ADAMTS1: variants seen among roughly 807,000 people sequenced by gnomAD.
ADAMTS1 encodes A disintegrin and metalloproteinase with thrombospondin motifs 1.
ADAMTS1 carries 19 observed loss-of-function variants against 87.9 expected under a neutral mutation model. That is an observed-to-expected ratio of 0.22 (90% CI 0.15 to 0.32). The LOEUF (loss-of-function observed/expected upper bound fraction) is 0.32, where lower values mean the gene tolerates loss of function less well. Among genes scored for constraint, ADAMTS1 ranks in the 10% least tolerant of loss-of-function variants. The pLI is 1.00. For missense variants in ADAMTS1, 1,240 were observed against 1,259.1 expected (o/e 0.98, Z 0.23); for synonymous variants, 542 against 501.8 (o/e 1.08, Z -1.07).
intron 1 of ADAMTS1, 75 bp downstream of exon 1, chr21:26,844,150 C>T: frequency 1.3e-6 from 2 of 1,489,226 alleles, no homozygotes; most frequent in African/African-American, 2.8e-5. Context: ...CAGGAGTCTA[C>T]CCTGAAGTCG....
At chr21:26,840,255 T>C (rs778715209) in intron 5 of ADAMTS1, 21 bp downstream of exon 5, 1 of 1,605,588 alleles carries the variant, frequency 6.2e-7, no homozygotes, top group Non-Finnish European at 8.5e-7. Flanking sequence ...ATTCTGAATG[T>C]GTTTCAGTAG....
chr21:26,841,754 T>G (rs1985498600), intron 3 of ADAMTS1, 104 bp downstream of exon 3: 1 of 1,315,904 alleles, frequency 7.6e-7, no homozygotes, highest in Non-Finnish European at 1.0e-6. Flanking sequence ...TAAGATGCAC[T>G]AGGACCTAAA....
rs780559162 is a variant in ADAMTS1, at chr21:26,844,451, G to T, written c.504C>A (p.Leu168=). 1.3e-5 allele frequency: 20 copies of T among 1,587,418 alleles called. No individual in the cohort carries two copies. In the South Asian group the frequency reaches 1.8e-4, roughly 14 times the overall value. The change falls in exon 1 of 9, where the codon CTC becomes CTA. Residue 168 remains leucine, a synonymous_variant. Coordinates refer to ENST00000284984, the MANE Select transcript of ADAMTS1 (RefSeq NM_006988.5). Reference sequence around the variant, plus strand: ...GCTTCTCCCCTGGGGCGGCGGTGGCGAGGCGCTCGCTGGCGGCGGGCAGCG... The same window carrying T: ...GCTTCTCCCCTGGGGCGGCGGTGGCTAGGCGCTCGCTGGCGGCGGGCAGCG... ...IQPLPAASER[L]ATAAPGEKPP... is the part of the protein sequence containing the mutation.
rs1985406138 is a variant in ADAMTS1, at chr21:26,837,944, CCTT to C, written c.2536_2538del (p.Lys846del). ...AAAGTGGGGATAGCATTGAAAGATT[CCTT>C]CTTCTTCTTTACGAAGTAGGTGTAT... On this transcript the variant is annotated inframe_deletion, in exon 9 of 9. Coordinates refer to ENST00000284984, the MANE Select transcript of ADAMTS1 (RefSeq NM_006988.5). The C allele has an allele frequency of 1.1e-5, 18 of 1,614,222 alleles. No homozygotes were observed. The highest frequency in any genetic ancestry group is 1.4e-5 in the Non-Finnish European group (17 of 1,180,036).
Position 26,844,899 on chromosome 21 carries a change from C to G in ADAMTS1, c.56G>C (p.Gly19Ala). 1 of 1,529,622 alleles carries G rather than the reference C, an allele frequency of 6.5e-7. No individual in the cohort carries two copies. 94.8% of individuals were successfully genotyped at this position (1,529,622 alleles called of 1,614,324 possible). ...FGRRKLGSDM[G>A]NAERAPGSRS... is the part of the protein sequence containing the mutation. ...AGACCCCGGAGCCCGCTCCGCGTTC[C>G]CCATGTCGCTGCCCAGCTTGCGCCT... The change falls in exon 1 of 9, where the codon GGG becomes GCG. Residue 19 changes from glycine to alanine, a missense_variant. Around this residue, in one of 3 missense-constraint regions of ADAMTS1, gnomAD observed 521 missense variants for 449.7 expected, o/e 1.16. Coordinates refer to ENST00000284984, the MANE Select transcript of ADAMTS1 (RefSeq NM_006988.5).
rs542912264 is a variant in ADAMTS1, at chr21:26,844,216, T to G, written c.730+9A>C. 207 of 1,530,110 alleles carry G rather than the reference T, an allele frequency of 1.4e-4. 5 individuals are homozygous for G. In the South Asian group the frequency reaches 2.4e-3, roughly 18 times the overall value. 94.8% of individuals were successfully genotyped at this position (1,530,110 alleles called of 1,614,324 possible). ...TGAATGGACAGACAAACGAGAGCAA[T>G]TCTTCTACCTGTGGGCTGTCCTACG... On this transcript the variant is annotated intron_variant, in intron 1 of 8. Coordinates refer to ENST00000284984, the MANE Select transcript of ADAMTS1 (RefSeq NM_006988.5).
In ADAMTS1 at chr21:26,837,325, A is replaced by G. The variant is rs1985386366; in HGVS notation, c.*254T>C. 2.5e-6 allele frequency: 1 copy of G among 399,634 alleles called. No individual in the cohort carries two copies. The highest frequency in any genetic ancestry group is 3.6e-5 in the East Asian group (1 of 27,402). 24.8% of individuals were successfully genotyped at this position (399,634 alleles called of 1,614,324 possible). The stretch of plus-strand genomic sequence containing the variant: ...ATGTAACAAAAGAAATAATAATAAT[A>G]ATGCCCGGGGCTTTATTATGCTATA... On this transcript the variant is annotated 3_prime_UTR_variant, in exon 9 of 9. Coordinates refer to ENST00000284984, the MANE Select transcript of ADAMTS1 (RefSeq NM_006988.5).
chr21:26,838,743 G>A (rs1985431275), intron 7 of ADAMTS1, 129 bp from the exon 8 acceptor site: 1 of 807,780 alleles, frequency 1.2e-6, no homozygotes, highest in Admixed American at 2.9e-5. Context: ...TACACATTAT[G>A]CATTTCATGC....
Position 26,841,145 on chromosome 21 carries a change from G to A in ADAMTS1, c.1231C>T (p.His411Tyr). The A allele has an allele frequency of 6.2e-7, 1 of 1,614,126 alleles. No individual in the cohort carries two copies. Among genetic ancestry groups the A allele is most frequent in the East Asian group, 2.2e-5 (1 of 44,882 alleles). ...HELGHVFNMP[H>Y]DDAKQCASLN... ...CTGGCACACTGCTTTGCATCATCATGTGGCATGTTAAACACGTGGCCTAGG... is the reference window on the plus strand; with the variant it reads ...CTGGCACACTGCTTTGCATCATCATATGGCATGTTAAACACGTGGCCTAGG... Residue 411 changes from histidine to tyrosine, a missense_variant, in exon 4 of 9, where the codon CAT (histidine) becomes TAT (tyrosine). His to Tyr is a moderately conservative substitution (Grantham distance 83). Transcript: ENST00000284984.
In ADAMTS1 at chr21:26,842,609, C is replaced by G; in HGVS notation, c.807G>C (p.Ser269=). 6.2e-7 allele frequency: 1 copy of G among 1,614,020 alleles called. No homozygotes were observed. Among genetic ancestry groups the G allele is most frequent in the Middle Eastern group, 1.6e-4 (1 of 6,062 alleles). Residue 269 remains serine (S), a synonymous_variant, in exon 2 of 9, where the codon TCG becomes TCC. Transcript: ENST00000284984. ...YVETMLVADQ[S]MAEFHGSGLK... ...GACCACTGCCGTGGAATTCTGCCATCGACTGGTCTGCCACAAGCATGGTTT... is the reference window on the plus strand; with the variant it reads ...GACCACTGCCGTGGAATTCTGCCATGGACTGGTCTGCCACAAGCATGGTTT...
chr21:26,844,434 C>G lies in ADAMTS1; in HGVS notation c.521G>C (p.Gly174Ala), dbSNP rs1161200230. 2 of 1,588,250 alleles carry G rather than the reference C, an allele frequency of 1.3e-6. No individual in the cohort carries two copies. The highest frequency in any genetic ancestry group is 1.7e-6 in the Non-Finnish European group (2 of 1,167,574). Reference sequence around the variant, plus strand: ...CTGTAGTGGTGCCGGCGGCTTCTCCCCTGGGGCGGCGGTGGCGAGGCGCTC... The same window carrying G: ...CTGTAGTGGTGCCGGCGGCTTCTCCGCTGGGGCGGCGGTGGCGAGGCGCTC... ...ASERLATAAP[G>A]EKPPAPLQFH... is the part of the protein sequence containing the mutation. Residue 174 changes from glycine to alanine, a missense_variant, in exon 1 of 9, where the codon GGG (glycine) becomes GCG (alanine). Coordinates refer to ENST00000284984, the MANE Select transcript of ADAMTS1 (RefSeq NM_006988.5).
Position 26,840,395 on chromosome 21 carries a change from C to T in ADAMTS1, c.1546G>A (p.Gly516Ser). The change falls in exon 5 of 9, where the codon GGT (glycine) becomes AGT (serine). Residue 516 changes from glycine to serine, a missense_variant. Physicochemically the swap from Gly to Ser is moderately conservative, Grantham distance 56 (BLOSUM62 0). This residue lies in a region of ADAMTS1 where 317 missense variants were observed against 410.3 expected (regional missense o/e 0.77). Transcript: ENST00000284984. Reference protein sequence around the residue: ...CSTLWCTGTSGGVLVCQTKHF... With the variant: ...CSTLWCTGTSSGVLVCQTKHF... ...TTGGTTTGACACACCAGCACCCCACCAGAGGTGCCGGTACACCACAAGGTG... is the reference window on the plus strand; with the variant it reads ...TTGGTTTGACACACCAGCACCCCACTAGAGGTGCCGGTACACCACAAGGTG... 6.2e-7 allele frequency: 1 copy of T among 1,614,216 alleles called. No homozygotes were observed. Among genetic ancestry groups the T allele is most frequent in the Non-Finnish European group, 8.5e-7 (1 of 1,180,040 alleles).
At position 26,844,337 on chromosome 21, in the gene ADAMTS1, C is replaced by T; in HGVS notation, c.618G>A (p.Arg206=). The change falls in exon 1 of 9, where the codon CGG becomes CGA. Residue 206 remains arginine (R), a synonymous_variant. Coordinates refer to ENST00000284984, the MANE Select transcript of ADAMTS1 (RefSeq NM_006988.5). ...GTCGVVDDEP[R]PTGKAETEDE... ...CTTCGGTCTCCGCTTTCCCAGTCGG[C>T]CGGGGCTCGTCGTCCACGACCCCGC... 1 of 1,605,954 alleles carries T rather than the reference C, an allele frequency of 6.2e-7. No individual in the cohort carries two copies. The highest frequency in any genetic ancestry group is 8.5e-7 in the Non-Finnish European group (1 of 1,177,978).
In ADAMTS1 at chr21:26,837,648, A is replaced by G. The variant is rs544589845; in HGVS notation, c.2835T>C (p.His945=). The change falls in exon 9 of 9, where the codon CAT becomes CAC. Residue 945 remains histidine, a synonymous_variant. Transcript: ENST00000284984. The stretch of plus-strand genomic sequence containing the variant: ...GTTTCTTTAAAGGATCACAGCTCTC[A>G]TGAGATAACACCCCTCCATCATGGG... ...CLSHDGGVLS[H]ESCDPLKKPK... 2 of 1,614,200 alleles carry G rather than the reference A, an allele frequency of 1.2e-6. No individual in the cohort carries two copies. The highest frequency in any genetic ancestry group is 1.7e-5 in the Admixed American group (1 of 60,024).
rs1404437099 is a variant in ADAMTS1, at chr21:26,838,267, T to C, written c.2216A>G (p.His739Arg). The C allele has an allele frequency of 3.1e-6, 5 of 1,607,422 alleles. No individual in the cohort carries two copies. In the Admixed American group the frequency reaches 8.4e-5, roughly 27 times the overall value. ...GSVTSAKPGY[H>R]DIITIPTGAT... Reference sequence around the variant, plus strand: ...TCCAGTTGGAATTGTGATGATATCATGATATCCAGGTCTGCAGGTGACAAA... The same window carrying C: ...TCCAGTTGGAATTGTGATGATATCACGATATCCAGGTCTGCAGGTGACAAA... The change falls in exon 9 of 9, where the codon CAT becomes CGT. Residue 739 changes from histidine (H) to arginine (R), a missense_variant. Transcript: ENST00000284984.
chr21:26,838,452 C>T lies in ADAMTS1; in HGVS notation c.2191G>A (p.Val731Ile), dbSNP rs756053051. The T allele has an allele frequency of 1.2e-6, 2 of 1,614,046 alleles. No individual in the cohort carries two copies. Among genetic ancestry groups the T allele is most frequent in the East Asian group, 2.2e-5 (1 of 44,896 alleles). ...TTTAAAACTTACTTTGCACTAGTAACTGATCCTGATATTTTTTTACAAGTA... is the reference window on the plus strand; with the variant it reads ...TTTAAAACTTACTTTGCACTAGTAATTGATCCTGATATTTTTTTACAAGTA... ...GSTCKKISGS[V>I]TSAKPGYHDI... The change falls in exon 8 of 9, where the codon GTT (valine) becomes ATT (isoleucine). Residue 731 changes from valine (V) to isoleucine (I), a missense_variant. Val to Ile is a conservative substitution (Grantham distance 29, BLOSUM62 3). Coordinates refer to ENST00000284984, the MANE Select transcript of ADAMTS1 (RefSeq NM_006988.5).
intron 2 of ADAMTS1, 143 bp downstream of exon 2, chr21:26,842,196 T>C (rs776098636): frequency 8.9e-6 from 9 of 1,011,418 alleles, no homozygotes; most frequent in Non-Finnish European, 1.3e-5. Flanking sequence ...TAAATTACAG[T>C]AGAAATGAGT....
Position 26,841,009 on chromosome 21 carries a change from T to C in ADAMTS1, c.1367A>G (p.Asp456Gly), listed in dbSNP as rs755942135. 6.2e-7 allele frequency: 1 copy of C among 1,614,022 alleles called. No homozygotes were observed. The highest frequency in any genetic ancestry group is 8.5e-7 in the Non-Finnish European group (1 of 1,179,892). ...CTGGAATATCTCACCATGACCATTA[T>C]CCAGAAATGATGTAATCATGTAGGC... is the stretch of plus-strand genomic sequence containing the variant. The part of the protein sequence containing the change: ...CSAYMITSFL[D>G]NGHGECLMDK... The change falls in exon 4 of 9, where the codon GAT becomes GGT. Residue 456 changes from aspartate (D) to glycine (G), a missense_variant. Transcript: ENST00000284984.
chr21:26,844,811 G>C lies in ADAMTS1; in HGVS notation c.144C>G (p.Asp48Glu), dbSNP rs1245619447. 4.5e-6 allele frequency: 7 copies of C among 1,547,590 alleles called. No individual in the cohort carries two copies. The highest frequency in any genetic ancestry group is 6.1e-6 in the Non-Finnish European group (7 of 1,146,034). The change falls in exon 1 of 9, where the codon GAC becomes GAG. Residue 48 changes from aspartate to glutamate, a missense_variant. Physicochemically the swap from Asp to Glu is conservative, Grantham distance 45. Coordinates refer to ENST00000284984, the MANE Select transcript of ADAMTS1 (RefSeq NM_006988.5). ...LLAAALLAVS[D>E]ALGRPSEEDE... ...CCTCCTCGGAGGGGCGCCCGAGTGC[G>C]TCCGACACGGCCAGTAGCGCCGCGG...
Sources: gnomAD v4.1 joint callset for allele counts on GRCh38, gnomAD v4.1.1 for gene constraint, gnomAD v4.1.1 regional missense constraint, MANE v1.5 for transcripts, NCBI Gene and HGNC (gene_info 2026-07-23, HGNC 2026-07-21) for gene names.